LNX1: variants seen among roughly 807,000 people sequenced by gnomAD.
LNX1 encodes the protein E3 ubiquitin-protein ligase LNX.
A neutral mutation model predicts 68.4 loss-of-function variants in LNX1; 54 were observed. That is an observed-to-expected ratio of 0.79 (90% confidence interval 0.63 to 0.99). LNX1 has a LOEUF of 0.99. Ranked by LOEUF, LNX1 falls within the 50% of genes least tolerant of loss-of-function variation. The pLI, the probability that LNX1 is intolerant of heterozygous loss-of-function variation, is 0.00. For missense variants in LNX1, 906 were observed against 926.4 expected, an observed-to-expected ratio of 0.98 and a Z score of 0.29; for synonymous variants, 336 against 350.0, an observed-to-expected ratio of 0.96 and a Z score of 0.45.
intron 1 of LNX1, among the ~76,000 whole-genome samples, chr4:53,650,559 T>C (rs1387639669): frequency 6.6e-6 from 1 of 152,218 alleles, no homozygotes; most frequent in African/African-American, 2.4e-5. Flanking sequence ...ATTTATGGTT[T>C]TCTATACATA....
Position 53,503,920 on chromosome 4 carries a change from G to A in LNX1, c.775+3397C>T, listed in dbSNP as rs560888943. On this transcript the variant is annotated intron_variant, in intron 4 of 10. Coordinates refer to ENST00000263925, the MANE Select transcript of LNX1 (RefSeq NM_001126328.3). Reference sequence around the variant, plus strand: ...AGGCCGAGGCAGGCGGATGACCTGCGGTCAGGAGTTCAAGATCAGCCTGGC... The same window carrying A: ...AGGCCGAGGCAGGCGGATGACCTGCAGTCAGGAGTTCAAGATCAGCCTGGC... Among the ~76,000 whole-genome samples, 15 of 152,290 alleles carry A rather than the reference G, an allele frequency of 9.8e-5. No individual in the cohort carries two copies. In the South Asian group the frequency reaches 2.3e-3, roughly 23 times the overall value.
chr4:53,635,384 C>T (rs1734433919), intron 1 of LNX1, among the ~76,000 whole-genome samples: 1 of 152,112 alleles, frequency 6.6e-6, no homozygotes, highest in Admixed American at 6.5e-5. Context: ...GGTTGTCTCA[C>T]GTAACTCACT....
rs1196519000 is a variant in LNX1 at position 53,459,487 on chromosome 4, G to A, written c.*1420C>T. 6.2e-7 allele frequency: 1 copy of A among 1,612,370 alleles called. No homozygotes were observed. Among genetic ancestry groups the A allele is most frequent in the South Asian group, 1.1e-5 (1 of 90,942 alleles). ...CCTTTTGTGTATATTAGTACCAGAAGTAGATACTATAAATCTTGTTATTTT... is the reference window on the plus strand; with the variant it reads ...CCTTTTGTGTATATTAGTACCAGAAATAGATACTATAAATCTTGTTATTTT... On this transcript the variant is annotated 3_prime_UTR_variant, in exon 11 of 11. Coordinates refer to ENST00000263925, the MANE Select transcript of LNX1 (RefSeq NM_001126328.3).
chr4:53,526,862 G>C (rs1727644310), intron 2 of LNX1, among the ~76,000 whole-genome samples: 1 of 151,766 alleles, frequency 6.6e-6, no homozygotes, highest in Non-Finnish European at 1.5e-5. Flanking sequence ...TAAAATCTTT[G>C]AATCTCCAGC....
At chr4:53,528,334 T>C (rs1727772330) in intron 2 of LNX1, among the ~76,000 whole-genome samples, 2 of 152,232 alleles carry the variant, frequency 1.3e-5, no homozygotes, top group African/African-American at 4.8e-5. Context: ...AAACAATTCA[T>C]AAGTTACAGT....
intron 2 of LNX1, among the ~76,000 whole-genome samples, chr4:53,548,666 A>G (rs1226121827): frequency 6.6e-6 from 1 of 152,224 alleles, no homozygotes; most frequent in Admixed American, 6.5e-5. Flanking sequence ...CAGCAATCCC[A>G]TTACTGGGTA....
chr4:53,644,728 C>A (rs1291609684), intron 1 of LNX1, among the ~76,000 whole-genome samples: 2 of 152,136 alleles, frequency 1.3e-5, no homozygotes, highest in African/African-American at 2.4e-5. Context: ...GGCCTCCTTG[C>A]CAGATGGCCA....
intron 2 of LNX1, among the ~76,000 whole-genome samples, chr4:53,599,876 C>G (rs547984072): frequency 6.6e-6 from 1 of 152,282 alleles, no homozygotes; most frequent in East Asian, 1.9e-4. Flanking sequence ...ATGTATATTT[C>G]AGATATGGTC....
chr4:53,592,258 C>T (rs1215318805), upstream of LNX1, among the ~76,000 whole-genome samples: 23 of 152,042 alleles, frequency 1.5e-4, no homozygotes, highest in Admixed American at 1.5e-3. Flanking sequence ...TGTCATTAGG[C>T]GATGTTGTCT....
chr4:53,541,776 A>G (rs1376546067), intron 2 of LNX1, among the ~76,000 whole-genome samples: 1 of 152,248 alleles, frequency 6.6e-6, no homozygotes, highest in East Asian at 1.9e-4. Flanking sequence ...AGCTTGAAGG[A>G]ACACAGATTT....
chr4:53,601,329 TC>T (rs1733004693), intron 2 of LNX1, among the ~76,000 whole-genome samples: 1 of 152,152 alleles, frequency 6.6e-6, no homozygotes, highest in African/African-American at 2.4e-5. Flanking sequence ...GTTGTGGCTG[TC>T]CCCCTGAAGT....
In LNX1 at chr4:53,560,179, T is replaced by C. The variant is rs150750192; in HGVS notation, c.380+13444A>G. Among the ~76,000 whole-genome samples the C allele has an allele frequency of 3.6e-3, 543 of 152,292 alleles. 2 individuals are homozygous for C. Among genetic ancestry groups the C allele is most frequent in the African/African-American group, 0.012 (515 of 41,552 alleles). On this transcript the variant is annotated intron_variant, in intron 2 of 10. Coordinates refer to ENST00000263925, the MANE Select transcript of LNX1 (RefSeq NM_001126328.3). ...GACCTCCTATATAGATCAGAACTCT[T>C]AAGTAGCATGATGTATTATAAAGGT...
chr4:53,465,535 C>A (rs1722613802), intron 9 of LNX1, among the ~76,000 whole-genome samples: 1 of 152,182 alleles, frequency 6.6e-6, no homozygotes, highest in African/African-American at 2.4e-5. Context: ...GGAGCCAGTA[C>A]TCCAGAAAGT....
chr4:53,622,433 A>C (rs1733917885), upstream of LNX1, among the ~76,000 whole-genome samples: 3 of 152,186 alleles, frequency 2.0e-5, no homozygotes, highest in Admixed American at 2.0e-4. Context: ...TGGGCCACTC[A>C]GCACACATGA....
At chr4:53,478,334 G>A (rs970233365) in intron 8 of LNX1, among the ~76,000 whole-genome samples, 5 of 151,868 alleles carry the variant, frequency 3.3e-5, no homozygotes, top group African/African-American at 9.7e-5. Context: ...TTAATTCCTG[G>A]AACAGTTTGG....
At chr4:53,600,156 C>T (rs951437231) in intron 2 of LNX1, among the ~76,000 whole-genome samples, 2 of 152,152 alleles carry the variant, frequency 1.3e-5, no homozygotes, top group African/African-American at 4.8e-5. Context: ...TACTATTTTC[C>T]TCACATCAAT....
chr4:53,610,343 A>G (rs1165261890), intron 2 of LNX1, among the ~76,000 whole-genome samples: 1 of 152,192 alleles, frequency 6.6e-6, no homozygotes, highest in African/African-American at 2.4e-5. Flanking sequence ...GAAATTATTG[A>G]CCATCTTAAA....
chr4:53,468,896 C>T (rs558320314), intron 9 of LNX1, among the ~76,000 whole-genome samples: 1 of 152,284 alleles, frequency 6.6e-6, no homozygotes, highest in Admixed American at 6.5e-5. Flanking sequence ...TAATGGGAGA[C>T]TTTAACACCC....
At chr4:53,509,872 C>CT (rs1443112859) in intron 2 of LNX1, among the ~76,000 whole-genome samples, 2 of 152,212 alleles carry the variant, frequency 1.3e-5, no homozygotes, top group Non-Finnish European at 2.9e-5. Context: ...ACGAGTACCC[C>CT]TTATCACTTC....
Sources: allele counts gnomAD v4.1 joint callset (sites outside exome capture counted in the v4.1 genomes callset), GRCh38; gene constraint gnomAD v4.1.1; transcripts MANE v1.5; gene names NCBI Gene and HGNC (gene_info 2026-07-23, HGNC 2026-07-21).